KCTD16: variants seen among roughly 807,000 people sequenced by gnomAD.
KCTD16 encodes the protein potassium channel tetramerization domain containing 16.
In KCTD16, 13 loss-of-function variants were observed where a neutral mutation model predicts 33.2. The ratio of observed to expected loss-of-function variants is 0.39; its 90% CI spans 0.25 to 0.62. KCTD16 has a LOEUF of 0.62. Among genes scored for constraint, KCTD16 ranks in the 20% least tolerant of loss-of-function variants. The pLI is 0.50. For synonymous variants in KCTD16, 197 were observed against 195.3 expected (o/e 1.01, Z -0.07); for missense variants, 441 against 525.1 (o/e 0.84, Z 1.57).
chr5:144,231,482 T>A (rs1020623490), intron 3 of KCTD16, among the ~76,000 whole-genome samples: 1 of 152,198 alleles, frequency 6.6e-6, no homozygotes, highest in Admixed American at 6.5e-5. Context: ...TTATTCCCTG[T>A]CTATGTCTCA....
chr5:144,220,298 G>GT (rs1460662020), intron 3 of KCTD16, among the ~76,000 whole-genome samples: 3 of 152,160 alleles, frequency 2.0e-5, no homozygotes, highest in African/African-American at 2.4e-5. Flanking sequence ...TCAGTACCTT[G>GT]TTTGTTTCCA....
rs60399517 is a variant in KCTD16 at position 144,409,819 on chromosome 5, AAACAACAAC to A, written c.833-63823_833-63815del. Among the ~76,000 whole-genome samples, 735 of 151,992 alleles carry A rather than the reference AAACAACAAC, an allele frequency of 4.8e-3. 6 individuals are homozygous for A. Among genetic ancestry groups the A allele is most frequent in the African/African-American group, 0.017 (703 of 41,426 alleles). ...GCAACGAGACCGAAACTCTGTCTCAAAACAACAACAACAACAACAACAACAAAAGAAATG... is the reference window on the plus strand; with the variant it reads ...GCAACGAGACCGAAACTCTGTCTCAAAACAACAACAACAACAAAAGAAATG... On this transcript the variant is annotated intron_variant, in intron 3 of 3. Transcript: ENST00000512467.
chr5:144,473,832 C>T lies in KCTD16; in HGVS notation c.1005C>T (p.Arg335=). ...QETVICGPVT[R]QTNIQTLDRP... is the part of the protein sequence containing the mutation. ...CGGTCATCTGTGGTCCCGTGACACG[C>T]CAGACCAACATCCAGACTCTGGACC... Residue 335 remains arginine (R), a synonymous_variant, in exon 4 of 4, where the codon CGC becomes CGT. Transcript: ENST00000512467. 2 of 1,614,120 alleles carry T rather than the reference C, an allele frequency of 1.2e-6. No homozygotes were observed. The highest frequency in any genetic ancestry group is 8.5e-7 in the Non-Finnish European group (1 of 1,180,012).
chr5:144,382,032 A>ACAT (rs770940720), intron 3 of KCTD16, among the ~76,000 whole-genome samples: 15 of 151,860 alleles, frequency 9.9e-5, no homozygotes, highest in African/African-American at 3.4e-4. Context: ...ATACATACAT[A>ACAT]CATACATACA....
At chr5:144,402,496 AC>A (rs1379666125) in intron 3 of KCTD16, among the ~76,000 whole-genome samples, 2 of 152,098 alleles carry the variant, frequency 1.3e-5, no homozygotes, top group Non-Finnish European at 2.9e-5. Flanking sequence ...TATAAGTTAG[AC>A]TGATGTGAGT....
At chr5:144,416,556 C>T (rs146400094) in intron 3 of KCTD16, among the ~76,000 whole-genome samples, 47 of 152,284 alleles carry the variant, frequency 3.1e-4, no homozygotes, top group African/African-American at 1.1e-3. Flanking sequence ...TGTCCCTCCA[C>T]TGAGAAATTA....
intron 3 of KCTD16, among the ~76,000 whole-genome samples, chr5:144,410,630 T>C (rs1026259763): frequency 3.9e-5 from 6 of 152,194 alleles, no homozygotes; most frequent in Non-Finnish European, 8.8e-5. Context: ...TTCTGTGACA[T>C]TTGGTCTTTA....
intron 3 of KCTD16, among the ~76,000 whole-genome samples, chr5:144,440,146 C>T (rs1753671007): frequency 6.6e-6 from 1 of 152,096 alleles, no homozygotes; most frequent in Admixed American, 6.5e-5. Context: ...ACCCCTTTGT[C>T]CACCACACCG....
At chr5:144,465,198 TCA>T (rs1165187825) in intron 3 of KCTD16, among the ~76,000 whole-genome samples, 8 of 106,240 alleles carry the variant, frequency 7.5e-5, no homozygotes, top group Admixed American at 2.1e-4. Context: ...CCTCTCTCTC[TCA>T]CTCTCTCTCT....
At chr5:144,317,377 T>C (rs1396480700) in intron 3 of KCTD16, among the ~76,000 whole-genome samples, 3 of 152,218 alleles carry the variant, frequency 2.0e-5, no homozygotes, top group Non-Finnish European at 4.4e-5. Flanking sequence ...GTGTGGTCTA[T>C]ATACCACCTG....
intron 3 of KCTD16, among the ~76,000 whole-genome samples, chr5:144,411,390 C>G (rs113186786): frequency 0.031 from 4,655 of 152,180 alleles, 244 homozygotes; most frequent in African/African-American, 0.1. Flanking sequence ...TGCATTTACA[C>G]CCAACTCCTT....
At position 144,388,256 on chromosome 5, in the gene KCTD16, T is replaced by C. The variant is rs568485769; in HGVS notation, c.833-85404T>C. Among the ~76,000 whole-genome samples the C allele has an allele frequency of 6.5e-3, 992 of 151,552 alleles. 9 individuals carry two copies. The highest frequency in any genetic ancestry group is 0.011 in the Non-Finnish European group (746 of 67,894). The stretch of plus-strand genomic sequence containing the variant: ...CACCACGCCCAGCTATTTTTTTTTG[T>C]ATTTTTAGTAGAGACGGGGTTTCAC... On this transcript the variant is annotated intron_variant, in intron 3 of 3. Transcript: ENST00000512467.
chr5:144,425,048 T>C (rs1384834663), intron 3 of KCTD16, among the ~76,000 whole-genome samples: 2 of 152,148 alleles, frequency 1.3e-5, no homozygotes, highest in East Asian at 3.9e-4. Flanking sequence ...CTGAAACAGA[T>C]ACAGGTGAGA....
At chr5:144,303,432 C>T (rs571884300) in intron 3 of KCTD16, among the ~76,000 whole-genome samples, 6 of 152,114 alleles carry the variant, frequency 3.9e-5, no homozygotes, top group African/African-American at 1.4e-4. Flanking sequence ...TCTTTAGGAC[C>T]TTGAGGTTGG....
intron 3 of KCTD16, among the ~76,000 whole-genome samples, chr5:144,221,874 C>T (rs895867739): frequency 2.0e-5 from 3 of 152,154 alleles, no homozygotes; most frequent in Admixed American, 6.5e-5. Context: ...CTAATTTACA[C>T]TCCCATCAAC....
At chr5:144,337,603 A>G (rs2126896195) in intron 3 of KCTD16, among the ~76,000 whole-genome samples, 1 of 152,326 alleles carries the variant, frequency 6.6e-6, no homozygotes, top group East Asian at 1.9e-4. Context: ...GGTTTTTCTC[A>G]TAACTTTAAT....
intron 3 of KCTD16, among the ~76,000 whole-genome samples, chr5:144,462,707 T>A (rs1028075359): frequency 1.4e-4 from 22 of 152,210 alleles, no homozygotes; most frequent in Admixed American, 1.2e-3. Flanking sequence ...CATCTCTGTC[T>A]GGCTTCCAAT....
chr5:144,268,508 C>T (rs747838322), intron 3 of KCTD16, among the ~76,000 whole-genome samples: 18 of 152,148 alleles, frequency 1.2e-4, no homozygotes, highest in Non-Finnish European at 2.1e-4. Flanking sequence ...GAGAGAGGCA[C>T]AGCCCAGAAA....
intron 3 of KCTD16, among the ~76,000 whole-genome samples, chr5:144,383,719 A>T (rs1752265290): frequency 6.6e-6 from 1 of 151,956 alleles, no homozygotes. Flanking sequence ...GTTTTTCATT[A>T]TAGAGACGAA....
Sources: gnomAD v4.1 joint callset for allele counts (sites outside exome capture counted in the v4.1 genomes callset) on GRCh38, gnomAD v4.1.1 for gene constraint, MANE v1.5 for transcripts, NCBI Gene and HGNC (gene_info 2026-07-23, HGNC 2026-07-21) for gene names.